Variants in CATSPERB observed in about 807,000 individuals in gnomAD.
CATSPERB encodes the protein cation channel sperm-associated auxiliary subunit beta.
Under a neutral mutation model 128.3 loss-of-function variants are expected in CATSPERB, and 93 were observed. The ratio of observed to expected loss-of-function variants is 0.72; its 90% CI spans 0.61 to 0.86. The LOEUF is 0.86. Ranked by LOEUF, CATSPERB falls within the 40% of genes least tolerant of loss-of-function variation. CATSPERB has a pLI of 0.00. For synonymous variants in CATSPERB, 381 were observed against 448.8 expected, an observed-to-expected ratio of 0.85 and a Z score of 1.91; for missense variants, 1,153 against 1,329.5, an observed-to-expected ratio of 0.87 and a Z score of 2.06.
chr14:91,719,022 A>T (rs1895988210), intron 5 of CATSPERB, among the ~76,000 whole-genome samples: 1 of 152,204 alleles, frequency 6.6e-6, no homozygotes, highest in Admixed American at 6.5e-5. Context: ...CACTGCCACA[A>T]AATACTTAAT....
intron 11 of CATSPERB, among the ~76,000 whole-genome samples, chr14:91,683,219 C>T (rs1277699266): frequency 6.6e-6 from 1 of 152,172 alleles, no homozygotes; most frequent in African/African-American, 2.4e-5. Flanking sequence ...CCCGCAAATT[C>T]CTACTGCAAG....
chr14:91,691,843 C>A (rs111955199), intron 9 of CATSPERB, among the ~76,000 whole-genome samples: 1 of 151,948 alleles, frequency 6.6e-6, no homozygotes, highest in African/African-American at 2.4e-5. Context: ...GGATTTGAGA[C>A]GAAAACCATG....
In CATSPERB at chr14:91,592,483, G is replaced by A. The variant is rs1042324995; in HGVS notation, c.2710-481C>T. The A allele has an allele frequency of 1.9e-5, 3 of 158,924 alleles. No individual in the cohort carries two copies. The Middle Eastern group carries it at 9.4e-3, about 500-fold the overall frequency. The allele number at this position is 158,924 out of a possible 1,614,324, so 9.8% of individuals were successfully genotyped here. ...GCCCATTTGTCATTCATTTATACTT[G>A]ATCTCTCTTGCCATTCATTTATTTT... On this transcript the variant is annotated intron_variant, in intron 22 of 26. Coordinates refer to ENST00000256343, the MANE Select transcript of CATSPERB (RefSeq NM_024764.4).
chr14:91,721,558 GATAA>G (rs1364187877), intron 4 of CATSPERB, among the ~76,000 whole-genome samples: 1 of 151,990 alleles, frequency 6.6e-6, no homozygotes, highest in Non-Finnish European at 1.5e-5. Context: ...TTTTAAAAAA[GATAA>G]ATAAAGGCCA....
intron 6 of CATSPERB, 129 bp from the exon 7 acceptor site, chr14:91,704,830 C>A: frequency 1.2e-6 from 1 of 845,142 alleles, no homozygotes; most frequent in Non-Finnish European, 1.8e-6. Context: ...TGCATTACCT[C>A]ACTCTGCATT....
chr14:91,613,705 C>T lies in CATSPERB; in HGVS notation c.2401-3028G>A, dbSNP rs551899067. On this transcript the variant is annotated intron_variant, in intron 20 of 26. Coordinates refer to ENST00000256343, the MANE Select transcript of CATSPERB (RefSeq NM_024764.4). ...TTCTGGCCTCATGGACTGGGCTTAT[C>T]AGGCTTATTAGGCCCTAGTTGGAGA... Among the ~76,000 whole-genome samples, 10 of 152,296 alleles carry T rather than the reference C, an allele frequency of 6.6e-5. No homozygotes were observed. In the South Asian group the frequency reaches 1.0e-3, roughly 16 times the overall value.
intron 18 of CATSPERB, among the ~76,000 whole-genome samples, chr14:91,624,279 C>T (rs1422114969): frequency 6.6e-6 from 1 of 152,202 alleles, no homozygotes; most frequent in African/African-American, 2.4e-5. Context: ...CTCAGGAGTT[C>T]GAGAGCAGCC....
At chr14:91,674,695 T>C (rs556342612) in intron 11 of CATSPERB, among the ~76,000 whole-genome samples, 2 of 151,844 alleles carry the variant, frequency 1.3e-5, no homozygotes, top group African/African-American at 4.8e-5. Flanking sequence ...CTAATTATGT[T>C]CTTGCTTAGA....
intron 17 of CATSPERB, among the ~76,000 whole-genome samples, chr14:91,629,481 T>G (rs969228606): frequency 2.6e-5 from 4 of 152,098 alleles, no homozygotes; most frequent in African/African-American, 9.7e-5. Context: ...CCCATTGAAT[T>G]TGCAACACTA....
intron 10 of CATSPERB, among the ~76,000 whole-genome samples, chr14:91,685,490 G>A (rs1424249849): frequency 1.3e-5 from 2 of 152,114 alleles, no homozygotes; most frequent in East Asian, 3.8e-4. Context: ...CTGCCTATGT[G>A]CAAGGCCGTG....
At position 91,626,828 on chromosome 14, in the gene CATSPERB, A is replaced by C. The variant is rs559102301; in HGVS notation, c.1743-1821T>G. On this transcript the variant is annotated intron_variant, in intron 17 of 26. Coordinates refer to ENST00000256343, the MANE Select transcript of CATSPERB (RefSeq NM_024764.4). ...ACAGACTAAGAAGATACACCTAACA[A>C]AATTTACCATCTTCATGCAATGACT... Among the ~76,000 whole-genome samples the C allele has an allele frequency of 5.3e-5, 8 of 152,346 alleles. No individual in the cohort carries two copies. In the South Asian group the frequency reaches 1.5e-3, roughly 28 times the overall value.
At chr14:91,641,671 A>C (rs1439418751) in intron 15 of CATSPERB, among the ~76,000 whole-genome samples, 2 of 125,148 alleles carry the variant, frequency 1.6e-5, no homozygotes, top group Non-Finnish European at 3.3e-5. Flanking sequence ...CTTTTGGCTT[A>C]GGATTGACTT....
chr14:91,691,011 G>GAGAT (rs1895460857), intron 10 of CATSPERB, among the ~76,000 whole-genome samples: 2 of 152,210 alleles, frequency 1.3e-5, no homozygotes, highest in African/African-American at 4.8e-5. Flanking sequence ...ACATATAAGG[G>GAGAT]AGATAACTGA....
chr14:91,663,529 C>T (rs1404663943), intron 14 of CATSPERB, among the ~76,000 whole-genome samples: 1 of 151,426 alleles, frequency 6.6e-6, no homozygotes, highest in African/African-American at 2.4e-5. Context: ...CCTGTAGTCC[C>T]AGCTACTTGG....
intron 17 of CATSPERB, chr14:91,635,601 G>C (rs969855871): frequency 3.3e-5 from 5 of 152,082 alleles, no homozygotes; most frequent in African/African-American, 1.2e-4. Context: ...CAACTGATCT[G>C]CTGGCCTTGG....
At chr14:91,615,156 C>T (rs1453311651) in intron 20 of CATSPERB, among the ~76,000 whole-genome samples, 4 of 152,158 alleles carry the variant, frequency 2.6e-5, no homozygotes, top group Non-Finnish European at 5.9e-5. Flanking sequence ...CCTGGCCTTA[C>T]AGCAGGACAG....
intron 22 of CATSPERB, among the ~76,000 whole-genome samples, chr14:91,595,493 C>A (rs1311836121): frequency 6.6e-6 from 1 of 151,978 alleles, no homozygotes; most frequent in Admixed American, 6.6e-5. Flanking sequence ...AAAGCCGAGC[C>A]CAACCATGGA....
At chr14:91,723,693 C>G (rs889497540) in intron 3 of CATSPERB, among the ~76,000 whole-genome samples, 1 of 150,314 alleles carries the variant, frequency 6.7e-6, no homozygotes, top group Non-Finnish European at 1.5e-5. Context: ...AGTTCCCTAT[C>G]TGAGTTTTAG....
Position 91,704,721 on chromosome 14 carries a change from G to T in CATSPERB, c.467-20C>A. The stretch of plus-strand genomic sequence containing the variant: ...TCGGTTCTGTGGAAATCAAATTTGG[G>T]TGTTTAAATTGTGGGAGCACCCTTG... On this transcript the variant is annotated intron_variant, in intron 6 of 26. Transcript: ENST00000256343. The T allele has an allele frequency of 6.2e-7, 1 of 1,604,508 alleles. No homozygotes were observed. Among genetic ancestry groups the T allele is most frequent in the Non-Finnish European group, 8.5e-7 (1 of 1,175,856 alleles).
Sources: gnomAD v4.1 joint callset for allele counts (sites outside exome capture counted in the v4.1 genomes callset) on GRCh38, gnomAD v4.1.1 for gene constraint, MANE v1.5 for transcripts, NCBI Gene and HGNC (gene_info 2026-07-23, HGNC 2026-07-21) for gene names.